Variants in TNR observed in about 807,000 individuals in gnomAD.
TNR encodes the protein tenascin R.
Under a neutral mutation model 150.4 loss-of-function variants are expected in TNR, and 45 were observed. That is an observed-to-expected ratio of 0.30 (90% CI 0.24 to 0.38). The LOEUF (loss-of-function observed/expected upper bound fraction) is 0.38, where lower values mean the gene tolerates loss of function less well. Among genes scored for constraint, TNR ranks in the 10% least tolerant of loss-of-function variants. The probability of loss-of-function intolerance (pLI) is 1.00; values close to 1 mark genes in which losing one functional copy is unlikely to be tolerated. For synonymous variants in TNR, 687 were observed against 678.4 expected, an observed-to-expected ratio of 1.01 and a Z score of -0.20; for missense variants, 1,544 against 1,759.1, an observed-to-expected ratio of 0.88 and a Z score of 2.19.
intron 1 of TNR, among the ~76,000 whole-genome samples, chr1:175,636,509 A>G (rs1313670864): frequency 1.3e-5 from 2 of 152,018 alleles, no homozygotes; most frequent in South Asian, 2.1e-4. Flanking sequence ...TTCTTTACCA[A>G]TTGCCAATTC....
intron 1 of TNR, among the ~76,000 whole-genome samples, chr1:175,722,949 G>GATGGGTTA (rs1667358083): frequency 6.6e-6 from 1 of 151,984 alleles, no homozygotes; most frequent in African/African-American, 2.4e-5. Context: ...ATACCACCAT[G>GATGGGTTA]ATGGGTTAAT....
rs181171067 is a variant in TNR, at chr1:175,346,017, G to A, written c.3383-8338C>T. Among the ~76,000 whole-genome samples, 107 of 152,222 alleles carry A rather than the reference G, an allele frequency of 7.0e-4. 2 individuals carry two copies. Among genetic ancestry groups the A allele is most frequent in the Admixed American group, 2.0e-3 (30 of 15,276 alleles). On this transcript the variant is annotated intron_variant, in intron 18 of 22. Transcript: ENST00000367674. ...GCAACACTGCATTTGAGAAGATAAT[G>A]GAATAGTATTTTTAAATATGATGGG...
Position 175,317,457 on chromosome 1 carries a change from T to C in TNR, c.*5900A>G, listed in dbSNP as rs1007406118. ...AGCATATTAGTGCTCCATGTCAGAA[T>C]ATTAAAGAGCAACACAGGGTCTCCC... On this transcript the variant is annotated 3_prime_UTR_variant, in exon 23 of 23. Transcript: ENST00000367674. 1.3e-5 allele frequency: 2 copies of C among 152,192 alleles called. No individual in the cohort carries two copies. The highest frequency in any genetic ancestry group is 4.8e-5 in the African/African-American group (2 of 41,440). 9.4% of individuals were successfully genotyped at this position (152,192 alleles called of 1,614,324 possible).
chr1:175,505,292 G>T (rs879129121), intron 2 of TNR, among the ~76,000 whole-genome samples: 1 of 152,244 alleles, frequency 6.6e-6, no homozygotes, highest in Non-Finnish European at 1.5e-5. Context: ...TTTCCCACTG[G>T]GCTTATCTCG....
chr1:175,365,099 C>A lies in TNR; in HGVS notation c.2498G>T (p.Gly833Val). Residue 833 changes from glycine to valine, a missense_variant, in exon 12 of 23, where the codon GGC (glycine) becomes GTC (valine). Gly to Val is a moderately radical substitution (Grantham distance 109). Around this residue, in one of 2 missense-constraint regions of TNR, gnomAD observed 1,254 missense variants for 1,329.4 expected, o/e 0.94. Transcript: ENST00000367674. ...AATATACTCTGTGGCTGGTTGCAGG[C>A]CCATCAGGACAGCATGCCTCTTGGT... ...DATKRHAVLM[G>V]LQPATEYIVN... is the part of the protein sequence containing the mutation. 6.2e-7 allele frequency: 1 copy of A among 1,614,060 alleles called. No individual in the cohort carries two copies. The highest frequency in any genetic ancestry group is 2.2e-5 in the East Asian group (1 of 44,868).
At chr1:175,624,669 C>T (rs925604374) in intron 1 of TNR, among the ~76,000 whole-genome samples, 2 of 152,104 alleles carry the variant, frequency 1.3e-5, no homozygotes, top group Non-Finnish European at 2.9e-5. Context: ...TTCTAGCCTC[C>T]AGAACTGTCA....
intron 1 of TNR, among the ~76,000 whole-genome samples, chr1:175,540,862 C>G (rs1660475079): frequency 6.6e-6 from 1 of 152,102 alleles, no homozygotes; most frequent in South Asian, 2.1e-4. Context: ...TAAAGCAAAT[C>G]CATGTAAGTT....
intron 2 of TNR, among the ~76,000 whole-genome samples, chr1:175,467,980 G>A (rs1657105999): frequency 6.6e-6 from 1 of 152,200 alleles, no homozygotes; most frequent in East Asian, 1.9e-4. Flanking sequence ...AGAGGGAATG[G>A]CAAATTAGAT....
chr1:175,715,988 C>T lies in TNR; in HGVS notation c.-165+27238G>A, dbSNP rs143101674. Among the ~76,000 whole-genome samples the T allele has an allele frequency of 6.1e-4, 93 of 152,294 alleles. No homozygotes were observed. In the Middle Eastern group the frequency reaches 0.02, roughly 33 times the overall value. On this transcript the variant is annotated intron_variant, in intron 1 of 22. Transcript: ENST00000367674. ...GCTATTGACTCAGCTGATCAATTTCCGAGTAGCAGGCAGCCAGGCCCATGA... is the reference window on the plus strand; with the variant it reads ...GCTATTGACTCAGCTGATCAATTTCTGAGTAGCAGGCAGCCAGGCCCATGA...
chr1:175,443,344 T>C (rs1655880603), intron 2 of TNR, among the ~76,000 whole-genome samples: 1 of 152,188 alleles, frequency 6.6e-6, no homozygotes, highest in African/African-American at 2.4e-5. Flanking sequence ...ATGTCACTCT[T>C]ACCTTGCACA....
intron 1 of TNR, among the ~76,000 whole-genome samples, chr1:175,654,457 T>C (rs773882900): frequency 2.0e-4 from 30 of 152,146 alleles, no homozygotes; most frequent in Non-Finnish European, 3.2e-4. Context: ...AGAGGTAACA[T>C]CGCGCTCTCC....
intron 1 of TNR, among the ~76,000 whole-genome samples, chr1:175,674,956 G>A (rs1665815670): frequency 6.6e-6 from 1 of 152,144 alleles, no homozygotes. Flanking sequence ...TAGTGGGAGT[G>A]CAGAAAAAAA....
chr1:175,694,524 C>T (rs1421562490), intron 1 of TNR, among the ~76,000 whole-genome samples: 1 of 152,164 alleles, frequency 6.6e-6, no homozygotes, highest in Non-Finnish European at 1.5e-5. Flanking sequence ...CAAATAGTGC[C>T]ACCCCTATGC....
intron 2 of TNR, among the ~76,000 whole-genome samples, chr1:175,509,560 T>A (rs1352428885): frequency 2.0e-5 from 3 of 152,186 alleles, no homozygotes; most frequent in Non-Finnish European, 4.4e-5. Flanking sequence ...TCCAGAGTTT[T>A]TTTCATGGCA....
At chr1:175,467,721 A>T (rs1316708672) in intron 2 of TNR, among the ~76,000 whole-genome samples, 1 of 152,186 alleles carries the variant, frequency 6.6e-6, no homozygotes, top group African/African-American at 2.4e-5. Flanking sequence ...GAGGTCAGGG[A>T]AGAGGAAAAG....
At chr1:175,623,538 T>A (rs1209778585) in intron 1 of TNR, among the ~76,000 whole-genome samples, 2 of 152,216 alleles carry the variant, frequency 1.3e-5, no homozygotes, top group East Asian at 3.9e-4. Context: ...ACATTGCTTT[T>A]CATTCCACAT....
chr1:175,320,241 G>A lies in TNR; in HGVS notation c.*3116C>T, dbSNP rs1366290687. 3 of 152,356 alleles carry A rather than the reference G, an allele frequency of 2.0e-5. No individual in the cohort carries two copies. 9.4% of individuals were successfully genotyped at this position (152,356 alleles called of 1,614,324 possible). The stretch of plus-strand genomic sequence containing the variant: ...TTGGGAAATGCAGTTGTGCTTGGAG[G>A]AGCAGGATAAGCAGGAATCAGCGAG... On this transcript the variant is annotated 3_prime_UTR_variant, in exon 23 of 23. Transcript: ENST00000367674.
At chr1:175,691,107 T>A (rs1488127150) in intron 1 of TNR, among the ~76,000 whole-genome samples, 1 of 151,194 alleles carries the variant, frequency 6.6e-6, no homozygotes, top group Non-Finnish European at 1.5e-5. Flanking sequence ...TAGTAAGTAG[T>A]TGGATAGCAC....
At chr1:175,676,600 G>A (rs1214900138) in intron 1 of TNR, among the ~76,000 whole-genome samples, 1 of 152,166 alleles carries the variant, frequency 6.6e-6, no homozygotes, top group Non-Finnish European at 1.5e-5. Context: ...ATCACAGCTG[G>A]AAAGGCCAGA....
Sources: allele counts gnomAD v4.1 joint callset (sites outside exome capture counted in the v4.1 genomes callset), GRCh38; gene constraint gnomAD v4.1.1; regional missense constraint gnomAD v4.1.1; transcripts MANE v1.5; gene names NCBI Gene and HGNC (gene_info 2026-07-23, HGNC 2026-07-21).